VPS33B: variants seen among roughly 807,000 people sequenced by gnomAD.
VPS33B encodes VPS33B late endosome and lysosome associated.
VPS33B carries 80 observed loss-of-function variants against 95.3 expected under a neutral mutation model. The ratio of observed to expected loss-of-function variants is 0.84; its 90% CI spans 0.70 to 1.01. The LOEUF (loss-of-function observed/expected upper bound fraction) is 1.01. Ranked by LOEUF, VPS33B falls within the 50% of genes least tolerant of loss-of-function variation. The pLI is 0.00. For missense variants in VPS33B, 715 were observed against 773.4 expected, an observed-to-expected ratio of 0.92 and a Z score of 0.90; for synonymous variants, 280 against 280.4, an observed-to-expected ratio of 1.00 and a Z score of 0.01.
Position 90,998,797 on chromosome 15 carries a change from TGGGA to T in VPS33B, c.*174_*177del. The T allele has an allele frequency of 1.4e-6, 1 of 728,520 alleles. No individual in the cohort carries two copies. The allele number at this position is 728,520 out of a possible 1,614,324, so 45.1% of individuals were successfully genotyped here. On this transcript the variant is annotated 3_prime_UTR_variant, in exon 23 of 23. Transcript: ENST00000333371. The surrounding 1 kb of genome is among the most constrained non-coding windows in gnomAD (Gnocchi z 4.8). ...TCATAAACAGAAAAGAGAAATATCC[TGGGA>T]GCAGGAAGTGAACTCTTTTCTCAGA...
In VPS33B at chr15:91,000,411, A is replaced by C. The variant is rs138918059; in HGVS notation, c.1581+79T>G. The C allele has an allele frequency of 1.6e-3, 2,135 of 1,371,620 alleles. 24 individuals are homozygous for C. In the African/African-American group the frequency reaches 0.023, roughly 15 times the overall value. The allele number at this position is 1,371,620 out of a possible 1,614,324, so 85.0% of individuals were successfully genotyped here. On this transcript the variant is annotated intron_variant, in intron 20 of 22. Transcript: ENST00000333371. The surrounding 1 kb of genome is among the most constrained non-coding windows in gnomAD (Gnocchi z 4.9). ...GACTCCATCTCAAATAAAAAAAAAAAAACATTGAGACACGCCAGGGACCAA... is the reference window on the plus strand; with the variant it reads ...GACTCCATCTCAAATAAAAAAAAAACAACATTGAGACACGCCAGGGACCAA...
In VPS33B at chr15:91,002,300, C is replaced by T; in HGVS notation, c.1273-118G>A. ...CTCTGCTGCAGTGTGAAGGAGCTCACACTTTGTTGAGATAAATTTTCACAT... is the reference window on the plus strand; with the variant it reads ...CTCTGCTGCAGTGTGAAGGAGCTCATACTTTGTTGAGATAAATTTTCACAT... On this transcript the variant is annotated intron_variant, in intron 17 of 22. Coordinates refer to ENST00000333371, the MANE Select transcript of VPS33B (RefSeq NM_018668.5). This position sits in a 1 kb window ranked among gnomAD's most constrained non-coding sequence, Gnocchi z 4.7. 5 of 1,423,410 alleles carry T rather than the reference C, an allele frequency of 3.5e-6. No individual in the cohort carries two copies. The highest frequency in any genetic ancestry group is 3.9e-6 in the Non-Finnish European group (4 of 1,035,216). 88.2% of individuals were successfully genotyped at this position (1,423,410 alleles called of 1,614,324 possible). A position where few individuals can be genotyped will look rare whatever the true frequency, so the allele number is the denominator to read the frequency against.
rs574123922 is a variant in VPS33B, at chr15:91,014,448, GAAA to G, written c.240-18_240-16del. The G allele has an allele frequency of 6.4e-7, 1 of 1,555,780 alleles. No homozygotes were observed. The highest frequency in any genetic ancestry group is 1.4e-5 in the African/African-American group (1 of 71,586). On this transcript the variant is annotated splice_polypyrimidine_tract_variant and intron_variant, in intron 3 of 22. Coordinates refer to ENST00000333371, the MANE Select transcript of VPS33B (RefSeq NM_018668.5). Reference sequence around the variant, plus strand: ...AGAAGCACAATCTATGAGAGAGAAAGAAAAAAAAACAGTGAAGAAGAATTATCA... The same window carrying G: ...AGAAGCACAATCTATGAGAGAGAAAGAAAAAACAGTGAAGAAGAATTATCA...
chr15:91,005,598 T>G lies in VPS33B; in HGVS notation c.1030+96A>C. 1 of 1,578,258 alleles carries G rather than the reference T, an allele frequency of 6.3e-7. No homozygotes were observed. The highest frequency in any genetic ancestry group is 8.7e-7 in the Non-Finnish European group (1 of 1,147,344). ...ACCAAGTAAGACCATATGCATCAGATGAACAGGGATCTCCTCCTCGGGAGT... is the reference window on the plus strand; with the variant it reads ...ACCAAGTAAGACCATATGCATCAGAGGAACAGGGATCTCCTCCTCGGGAGT... On this transcript the variant is annotated intron_variant, in intron 13 of 22. Transcript: ENST00000333371. This position sits in a 1 kb window ranked among gnomAD's most constrained non-coding sequence, Gnocchi z 6.4.
In VPS33B at chr15:91,010,996, A is replaced by G. The variant is rs80104210; in HGVS notation, c.358-1150T>C. Among the ~76,000 whole-genome samples the G allele has an allele frequency of 0.01, 1,547 of 152,290 alleles. 26 individuals carry two copies. Among genetic ancestry groups the G allele is most frequent in the African/African-American group, 0.034 (1,415 of 41,552 alleles). ...AAAGAAGGGGGAGCTCTGAAAGGGA[A>G]AAGAGATGAAATGGGAGACATTGTT... On this transcript the variant is annotated intron_variant, in intron 5 of 22. Transcript: ENST00000333371. The surrounding 1 kb of genome is among the most constrained non-coding windows in gnomAD (Gnocchi z 5.7).
rs1567230616 is a variant in VPS33B at position 91,018,965 on chromosome 15, C to A, written c.97-1080G>T. Among the ~76,000 whole-genome samples the A allele has an allele frequency of 6.6e-6, 1 of 151,912 alleles. No homozygotes were observed. Among genetic ancestry groups the A allele is most frequent in the African/African-American group, 2.4e-5 (1 of 41,338 alleles). ...GAGTAGCTGAGATTACAGGTGCCTG[C>A]CACCACACCTGGCTAATTTTTGTAT... On this transcript the variant is annotated intron_variant, in intron 1 of 22. Coordinates refer to ENST00000333371, the MANE Select transcript of VPS33B (RefSeq NM_018668.5). The surrounding 1 kb of genome is among the most constrained non-coding windows in gnomAD (Gnocchi z 4.7).
In VPS33B at chr15:91,015,850, TA is replaced by T. The variant is rs1239182749; in HGVS notation, c.239+1112del. ...GTCTCTGAAAATAAATAAATTTAAT[TA>T]AAAAAATTTAAATATAAGAAAGTAA... is the stretch of plus-strand genomic sequence containing the variant. On this transcript the variant is annotated intron_variant, in intron 3 of 22. Coordinates refer to ENST00000333371, the MANE Select transcript of VPS33B (RefSeq NM_018668.5). This position sits in a 1 kb window ranked among gnomAD's most constrained non-coding sequence, Gnocchi z 4.7. Among the ~76,000 whole-genome samples, 2 of 151,884 alleles carry T rather than the reference TA, an allele frequency of 1.3e-5. No homozygotes were observed. Among genetic ancestry groups the T allele is most frequent in the Admixed American group, 6.6e-5 (1 of 15,246 alleles).
chr15:90,998,906 G>C lies in VPS33B; in HGVS notation c.*69C>G. On this transcript the variant is annotated 3_prime_UTR_variant, in exon 23 of 23. Transcript: ENST00000333371. The surrounding 1 kb of genome is among the most constrained non-coding windows in gnomAD (Gnocchi z 4.8). ...GGTGGACACTTGGTTATAGCAGCTG[G>C]GTGCCAGATGCCTGCATCTCACTGA... is the stretch of plus-strand genomic sequence containing the variant. 6.4e-7 allele frequency: 1 copy of C among 1,550,400 alleles called. No individual in the cohort carries two copies. Among genetic ancestry groups the C allele is most frequent in the Non-Finnish European group, 8.9e-7 (1 of 1,128,406 alleles).
Position 91,000,076 on chromosome 15 carries a change from A to C in VPS33B, c.1582-101T>G. 2 of 1,455,806 alleles carry C rather than the reference A, an allele frequency of 1.4e-6. No individual in the cohort carries two copies. Among genetic ancestry groups the C allele is most frequent in the Non-Finnish European group, 1.9e-6 (2 of 1,050,016 alleles). 90.2% of individuals were successfully genotyped at this position (1,455,806 alleles called of 1,614,324 possible). On this transcript the variant is annotated intron_variant, in intron 20 of 22. Transcript: ENST00000333371. This position sits in a 1 kb window ranked among gnomAD's most constrained non-coding sequence, Gnocchi z 4.9. ...CTGTCACATTTCTTGCTCATTACTC[A>C]AGTAGCAAAAAGTTGAGACAGGGCC...
Position 91,007,388 on chromosome 15 carries a change from G to C in VPS33B, c.603+81C>G. On this transcript the variant is annotated intron_variant, in intron 8 of 22. Transcript: ENST00000333371. This position sits in a 1 kb window ranked among gnomAD's most constrained non-coding sequence, Gnocchi z 5.3. ...AGTAAAGAATACACCTCATATCACA[G>C]GTGCCCTTGGATAACCCCAGGAGGG... 1 of 1,298,498 alleles carries C rather than the reference G, an allele frequency of 7.7e-7. No homozygotes were observed. The highest frequency in any genetic ancestry group is 1.1e-6 in the Non-Finnish European group (1 of 892,862). The allele number at this position is 1,298,498 out of a possible 1,614,324, so 80.4% of individuals were successfully genotyped here.
chr15:91,006,869 A>T lies in VPS33B; in HGVS notation c.700+81T>A. 6.2e-7 allele frequency: 1 copy of T among 1,603,916 alleles called. No homozygotes were observed. Among genetic ancestry groups the T allele is most frequent in the Non-Finnish European group, 8.5e-7 (1 of 1,171,040 alleles). On this transcript the variant is annotated intron_variant, in intron 9 of 22. Transcript: ENST00000333371. The surrounding 1 kb of genome is among the most constrained non-coding windows in gnomAD (Gnocchi z 5.4). Reference sequence around the variant, plus strand: ...TGGGATTCACAGCCCTAACTTTAGGATTTTAACTTTGCCACCACGCCTTCC... The same window carrying T: ...TGGGATTCACAGCCCTAACTTTAGGTTTTTAACTTTGCCACCACGCCTTCC...
rs374991257 is a variant in VPS33B at position 91,005,741 on chromosome 15, G to C, written c.983C>G (p.Ser328Cys). ...MDIKQMKNFV[S>C]QELKGLKQEH... is the part of the protein sequence containing the mutation. ...CTGTTTCAGGCCCTTGAGCTCCTGG[G>C]ACACGAAATTCTTCATCTGCTTAAT... The change falls in exon 13 of 23, where the codon TCC becomes TGC. Residue 328 changes from serine (S) to cysteine (C), a missense_variant. Coordinates refer to ENST00000333371, the MANE Select transcript of VPS33B (RefSeq NM_018668.5). This position sits in a 1 kb window ranked among gnomAD's most constrained non-coding sequence, Gnocchi z 6.4. The C allele has an allele frequency of 1.2e-6, 2 of 1,614,010 alleles. No homozygotes were observed. The highest frequency in any genetic ancestry group is 8.5e-7 in the Non-Finnish European group (1 of 1,180,026).
intron 19 of VPS33B, chr15:91,001,041 C>T (rs552241179): frequency 5.3e-5 from 19 of 360,970 alleles, no homozygotes; most frequent in East Asian, 3.4e-4. Context: ...ATGGGCTGGG[C>T]GCAGTGGCTC....
chr15:91,008,051 G>C, intron 6 of VPS33B, 87 bp from the exon 7 acceptor site: 1 of 1,238,540 alleles, frequency 8.1e-7, no homozygotes, highest in Non-Finnish European at 1.2e-6. Context: ...ATTTGAGTGC[G>C]TGCAACAAAT....
At position 91,007,966 on chromosome 15, in the gene VPS33B, T is replaced by C; in HGVS notation, c.404-2A>G. On this transcript the variant is annotated splice_acceptor_variant, in intron 6 of 22. Coordinates refer to ENST00000333371, the MANE Select transcript of VPS33B (RefSeq NM_018668.5). LOFTEE classifies it high-confidence loss of function. This position sits in a 1 kb window ranked among gnomAD's most constrained non-coding sequence, Gnocchi z 5.3. ...AGGCCCATTCATCACAGCTCACATC[T>C]GTGGGGACAGAGAGCATCAGCCTCC... is the stretch of plus-strand genomic sequence containing the variant. 6.2e-7 allele frequency: 1 copy of C among 1,614,124 alleles called. No individual in the cohort carries two copies. Among genetic ancestry groups the C allele is most frequent in the Non-Finnish European group, 8.5e-7 (1 of 1,179,982 alleles).
Position 91,006,466 on chromosome 15 carries a change from C to G in VPS33B, c.779-21G>C, listed in dbSNP as rs771726846. ...ACTCCCTTTGAGAGCAGAGGGACAG[C>G]TATTAGGATCTCCAATGAGGACTTC... On this transcript the variant is annotated intron_variant, in intron 10 of 22. Coordinates refer to ENST00000333371, the MANE Select transcript of VPS33B (RefSeq NM_018668.5). The surrounding 1 kb of genome is among the most constrained non-coding windows in gnomAD (Gnocchi z 5.4). 6.2e-7 allele frequency: 1 copy of G among 1,614,148 alleles called. No individual in the cohort carries two copies. The highest frequency in any genetic ancestry group is 1.7e-5 in the Admixed American group (1 of 60,032).
In VPS33B at chr15:91,007,696, T is replaced by G. The variant is rs2040656017; in HGVS notation, c.499-123A>C. 1.6e-6 allele frequency: 2 copies of G among 1,237,572 alleles called. No homozygotes were observed. The highest frequency in any genetic ancestry group is 3.0e-5 in the African/African-American group (2 of 67,478). 76.7% of individuals were successfully genotyped at this position (1,237,572 alleles called of 1,614,324 possible). A position where few individuals can be genotyped will look rare whatever the true frequency, so the allele number is the denominator to read the frequency against. ...CTGGGGGATGCTTGAAAGGTTTTCA[T>G]TGGCTCCACAGGAAGTCCCACAGAG... is the stretch of plus-strand genomic sequence containing the variant. On this transcript the variant is annotated intron_variant, in intron 7 of 22. Coordinates refer to ENST00000333371, the MANE Select transcript of VPS33B (RefSeq NM_018668.5). This position sits in a 1 kb window ranked among gnomAD's most constrained non-coding sequence, Gnocchi z 5.3.
At position 91,006,920 on chromosome 15, in the gene VPS33B, AAGATGACAGG is replaced by A; in HGVS notation, c.700+20_700+29del. ...ATATTCCCGTGTCTTCTAGGGCTGAAAGATGACAGGAACGCTGGGCATAATTTACCTCTGT... is the reference window on the plus strand; with the variant it reads ...ATATTCCCGTGTCTTCTAGGGCTGAAAACGCTGGGCATAATTTACCTCTGT... On this transcript the variant is annotated intron_variant, in intron 9 of 22. Transcript: ENST00000333371. The surrounding 1 kb of genome is among the most constrained non-coding windows in gnomAD (Gnocchi z 5.4). The A allele has an allele frequency of 6.2e-7, 1 of 1,613,152 alleles. No homozygotes were observed. Among genetic ancestry groups the A allele is most frequent in the Non-Finnish European group, 8.5e-7 (1 of 1,179,132 alleles).
At chr15:91,014,245 AG>A in intron 4 of VPS33B, 138 bp downstream of exon 4, 1 of 824,472 alleles carries the variant, frequency 1.2e-6, no homozygotes, top group Non-Finnish European at 2.0e-6. Context: ...AAAAAAAAGA[AG>A]CGGGGAAGCA....
Sources: gnomAD v4.1 joint callset for allele counts (sites outside exome capture counted in the v4.1 genomes callset) on GRCh38, gnomAD v4.1.1 for gene constraint, Gnocchi (gnomAD v3.1) non-coding constraint, MANE v1.5 for transcripts, NCBI Gene and HGNC (gene_info 2026-07-23, HGNC 2026-07-21) for gene names.